SAMD12: variants seen among roughly 807,000 people sequenced by gnomAD.
SAMD12 encodes sterile alpha motif domain-containing protein 12.
In SAMD12, 9 loss-of-function variants were observed where a neutral mutation model predicts 15.0. That is an observed-to-expected ratio of 0.60 (90% CI 0.36 to 1.05). SAMD12 has a LOEUF of 1.05. Ranked by LOEUF, SAMD12 falls within the 50% of genes least tolerant of loss-of-function variation. The pLI is 0.01. For synonymous variants in SAMD12, 86 were observed against 90.1 expected (o/e 0.96, Z 0.25); for missense variants, 230 against 234.2 (o/e 0.98, Z 0.12).
intron 3 of SAMD12, among the ~76,000 whole-genome samples, chr8:118,409,538 A>G (rs1821300485): frequency 6.6e-6 from 1 of 151,820 alleles, no homozygotes; most frequent in African/African-American, 2.4e-5. Flanking sequence ...AAGGAAATAG[A>G]CTGTATATTA....
downstream of SAMD12, among the ~76,000 whole-genome samples, chr8:118,185,936 C>T (rs1819235965): frequency 6.6e-6 from 1 of 152,304 alleles, no homozygotes; most frequent in Non-Finnish European, 1.5e-5. Flanking sequence ...GGTCTGCACA[C>T]TTGCCTGCTT....
chr8:118,329,085 T>C (rs923055491), intron 4 of SAMD12, among the ~76,000 whole-genome samples: 2 of 152,100 alleles, frequency 1.3e-5, no homozygotes, highest in African/African-American at 4.8e-5. Flanking sequence ...AGCACAGTTG[T>C]TTGCTAAAGA....
intron 3 of SAMD12, among the ~76,000 whole-genome samples, chr8:118,385,018 C>G (rs1009802131): frequency 6.6e-6 from 1 of 152,154 alleles, no homozygotes; most frequent in Non-Finnish European, 1.5e-5. Context: ...ACATGGTACT[C>G]TGCTGCAGTC....
chr8:118,463,466 G>A (rs1327561968), intron 2 of SAMD12, among the ~76,000 whole-genome samples: 2 of 152,162 alleles, frequency 1.3e-5, no homozygotes, highest in African/African-American at 4.8e-5. Flanking sequence ...CGAGTGGGCA[G>A]GAGAAAACCG....
intron 2 of SAMD12, among the ~76,000 whole-genome samples, chr8:118,490,128 A>G (rs1196216784): frequency 6.6e-6 from 1 of 152,188 alleles, no homozygotes; most frequent in Non-Finnish European, 1.5e-5. Flanking sequence ...GCTATTGTTG[A>G]TGTAGCAAAT....
chr8:118,133,039 A>G, the SAMD12 span, among the ~76,000 whole-genome samples: 5 of 127,922 alleles, frequency 3.9e-5, no homozygotes, highest in African/African-American at 1.4e-4. Flanking sequence ...TTATTACTTA[A>G]TATGAGTCAA....
At chr8:118,440,909 A>G (rs1822739367) in intron 2 of SAMD12, among the ~76,000 whole-genome samples, 1 of 152,088 alleles carries the variant, frequency 6.6e-6, no homozygotes. Flanking sequence ...ATGTTGGATC[A>G]GTGTTTGCCA....
At chr8:118,590,617 T>A (rs1827565287) in intron 1 of SAMD12, among the ~76,000 whole-genome samples, 1 of 152,244 alleles carries the variant, frequency 6.6e-6, no homozygotes, top group South Asian at 2.1e-4. Context: ...TGGCAGTAAG[T>A]AAGTGGTATC....
chr8:118,177,767 A>G, the SAMD12 span, among the ~76,000 whole-genome samples: 8 of 152,234 alleles, frequency 5.3e-5, no homozygotes, highest in Non-Finnish European at 8.8e-5. Context: ...ATGCCATTAG[A>G]AATTAAAAAC....
chr8:118,162,939 TA>T, the SAMD12 span, among the ~76,000 whole-genome samples: 1 of 151,960 alleles, frequency 6.6e-6, no homozygotes, highest in Non-Finnish European at 1.5e-5. Context: ...GTAATCTGGG[TA>T]AAAACAAAAA....
intron 4 of SAMD12, among the ~76,000 whole-genome samples, chr8:118,253,015 C>G (rs1812855135): frequency 6.6e-6 from 1 of 152,148 alleles, no homozygotes; most frequent in African/African-American, 2.4e-5. Context: ...TGAGCTGAGC[C>G]AGGGTCCATC....
At chr8:118,581,881 A>G (rs1827304892) in intron 1 of SAMD12, among the ~76,000 whole-genome samples, 1 of 152,082 alleles carries the variant, frequency 6.6e-6, no homozygotes, top group African/African-American at 2.4e-5. Flanking sequence ...CTTTATTCAC[A>G]GAGAAGTTAA....
At chr8:118,610,067 G>A (rs1319001433) in intron 1 of SAMD12, among the ~76,000 whole-genome samples, 1 of 152,166 alleles carries the variant, frequency 6.6e-6, no homozygotes, top group Non-Finnish European at 1.5e-5. Flanking sequence ...AGTGCACAAT[G>A]AATACTTACT....
At chr8:118,322,385 C>G (rs1350409013) in intron 4 of SAMD12, among the ~76,000 whole-genome samples, 1 of 152,176 alleles carries the variant, frequency 6.6e-6, no homozygotes, top group East Asian at 1.9e-4. Context: ...TTAAATGAAC[C>G]ACTGAATAGG....
chr8:118,253,828 T>A (rs1178845960), intron 4 of SAMD12, among the ~76,000 whole-genome samples: 1 of 152,168 alleles, frequency 6.6e-6, no homozygotes, highest in Non-Finnish European at 1.5e-5. Context: ...CAAAACCCAC[T>A]TATTCTTAAT....
At chr8:118,539,273 G>A (rs1825929122) in intron 2 of SAMD12, among the ~76,000 whole-genome samples, 2 of 152,166 alleles carry the variant, frequency 1.3e-5, no homozygotes, top group Admixed American at 1.3e-4. Flanking sequence ...CCAAGTAGCT[G>A]CTATCATGAA....
chr8:118,266,946 C>A (rs945263069), intron 4 of SAMD12, among the ~76,000 whole-genome samples: 1 of 152,084 alleles, frequency 6.6e-6, no homozygotes, highest in African/African-American at 2.4e-5. Context: ...AATAACAATA[C>A]ATTGCATCCT....
intron 4 of SAMD12, among the ~76,000 whole-genome samples, chr8:118,293,442 G>A (rs1741785270): frequency 1.3e-5 from 2 of 152,144 alleles, no homozygotes; most frequent in African/African-American, 4.8e-5. Context: ...CACAGGCTAG[G>A]CATTTAACCA....
At chr8:118,174,838 A>C in the SAMD12 span, among the ~76,000 whole-genome samples, 1 of 151,976 alleles carries the variant, frequency 6.6e-6, no homozygotes, top group African/African-American at 2.4e-5. Flanking sequence ...TTTCCCCTCT[A>C]TGTGTGCATG....
Sources: allele counts gnomAD v4.1 joint callset (sites outside exome capture counted in the v4.1 genomes callset), GRCh38; gene constraint gnomAD v4.1.1; transcripts MANE v1.5; gene names NCBI Gene and HGNC (gene_info 2026-07-23, HGNC 2026-07-21).